SPECC1: variants seen among roughly 807,000 people sequenced by gnomAD.
SPECC1 encodes cytospin-B.
Under a neutral mutation model 104.1 loss-of-function variants are expected in SPECC1, and 62 were observed. The ratio of observed to expected loss-of-function variants is 0.60; its 90% CI spans 0.49 to 0.74. SPECC1 has a LOEUF of 0.74. Ranked by LOEUF, SPECC1 falls within the 30% of genes least tolerant of loss-of-function variation. The pLI is 0.00. For missense variants in SPECC1, 1,306 were observed against 1,310.5 expected, an observed-to-expected ratio of 1.00 and a Z score of 0.05; for synonymous variants, 513 against 501.6, an observed-to-expected ratio of 1.02 and a Z score of -0.30.
At chr17:20,214,787 C>T (rs982986054) in intron 4 of SPECC1, among the ~76,000 whole-genome samples, 3 of 152,142 alleles carry the variant, frequency 2.0e-5, no homozygotes, top group South Asian at 2.1e-4. Context: ...GGATTACAGG[C>T]GTGAGCCACT....
intron 7 of SPECC1, 139 bp downstream of exon 7, chr17:20,232,544 CT>C: frequency 1.1e-6 from 1 of 932,776 alleles, no homozygotes; most frequent in Non-Finnish European, 1.6e-6. Context: ...CTAGCACCAC[CT>C]TACCACTAGG....
intron 13 of SPECC1, among the ~76,000 whole-genome samples, chr17:20,303,727 C>T (rs2041666814): frequency 3.3e-5 from 5 of 152,060 alleles, no homozygotes; most frequent in South Asian, 2.1e-4. Flanking sequence ...CTTTGACAGG[C>T]GGATCACCTG....
chr17:20,208,701 C>T (rs2036943364), intron 4 of SPECC1, among the ~76,000 whole-genome samples: 1 of 152,148 alleles, frequency 6.6e-6, no homozygotes, highest in African/African-American at 2.4e-5. Flanking sequence ...TATCTAATTC[C>T]AAGGGAAGCA....
At chr17:20,212,754 A>G (rs2151388751) in intron 4 of SPECC1, among the ~76,000 whole-genome samples, 1 of 152,320 alleles carries the variant, frequency 6.6e-6, no homozygotes, top group Admixed American at 6.5e-5. Flanking sequence ...AATTCCTTCC[A>G]TCTATTAGGT....
At chr17:20,032,927 C>T (rs925626324) in intron 1 of SPECC1, among the ~76,000 whole-genome samples, 9 of 147,350 alleles carry the variant, frequency 6.1e-5, no homozygotes, top group African/African-American at 2.4e-4. Flanking sequence ...TGTATATACA[C>T]ACACGCGCGC....
At chr17:20,138,989 G>C (rs533736327) in intron 3 of SPECC1, among the ~76,000 whole-genome samples, 1 of 152,276 alleles carries the variant, frequency 6.6e-6, no homozygotes, top group East Asian at 1.9e-4. Context: ...AGAATATTCT[G>C]GTTAGCTGCA....
At chr17:20,232,552 T>A in intron 7 of SPECC1, 147 bp downstream of exon 7, 1 of 878,206 alleles carries the variant, frequency 1.1e-6, no homozygotes, top group Non-Finnish European at 1.7e-6. Flanking sequence ...ACCTTACCAC[T>A]AGGAACATTC....
chr17:20,213,955 A>G lies in SPECC1; in HGVS notation c.1863+8043A>G, dbSNP rs561761349. Among the ~76,000 whole-genome samples, 3 of 152,228 alleles carry G rather than the reference A, an allele frequency of 2.0e-5. No individual in the cohort carries two copies. The East Asian group carries it at 5.8e-4, about 29-fold the overall frequency. ...TAAGTCTGTGGGTTTTAGTGTATTC[A>G]CACAATTGTGCAACCATCACTACAA... is the stretch of plus-strand genomic sequence containing the variant. On this transcript the variant is annotated intron_variant, in intron 4 of 14. Transcript: ENST00000395527.
chr17:20,061,985 C>A (rs2046199895), intron 1 of SPECC1, among the ~76,000 whole-genome samples: 1 of 152,052 alleles, frequency 6.6e-6, no homozygotes, highest in Admixed American at 6.6e-5. Flanking sequence ...TGTGGCCGGG[C>A]ACGGTGGCTC....
chr17:20,238,671 T>G, intron 7 of SPECC1: 3 of 1,039,734 alleles, frequency 2.9e-6, no homozygotes, highest in Non-Finnish European at 3.5e-6. Flanking sequence ...GGACTGAAAT[T>G]TATATTTTGG....
intron 3 of SPECC1, among the ~76,000 whole-genome samples, chr17:20,161,546 A>G (rs1408359588): frequency 2.6e-5 from 4 of 152,210 alleles, no homozygotes; most frequent in South Asian, 4.1e-4. Context: ...ACCAGGTAGT[A>G]TGTTTAGATT....
chr17:20,318,575 C>CT lies in SPECC1; in HGVS notation c.*4512dup, dbSNP rs2042067882. The CT allele has an allele frequency of 4.4e-6, 1 of 229,524 alleles. No individual in the cohort carries two copies. The highest frequency in any genetic ancestry group is 2.2e-5 in the African/African-American group (1 of 45,208). 14.2% of individuals were successfully genotyped at this position (229,524 alleles called of 1,614,324 possible). The stretch of plus-strand genomic sequence containing the variant: ...CCTCCTCTTCCCCACTGAGGGGCAG[C>CT]TTGTGGAGATGGAGGACTCGGGCCC... On this transcript the variant is annotated 3_prime_UTR_variant, in exon 15 of 15. Coordinates refer to ENST00000395527, the MANE Select transcript of SPECC1 (RefSeq NM_001243439.2).
chr17:20,158,294 T>C (rs1200661955), intron 3 of SPECC1, among the ~76,000 whole-genome samples: 5 of 152,128 alleles, frequency 3.3e-5, no homozygotes, highest in Admixed American at 6.5e-5. Flanking sequence ...AGCCTGAGTG[T>C]CGCATGGTTC....
At chr17:20,022,236 C>T (rs1051883284) in intron 1 of SPECC1, among the ~76,000 whole-genome samples, 4 of 152,226 alleles carry the variant, frequency 2.6e-5, no homozygotes, top group South Asian at 2.1e-4. Context: ...CCACTGTGCC[C>T]GGCAGCAGTT....
At chr17:20,172,922 C>T (rs1268448187) in intron 3 of SPECC1, among the ~76,000 whole-genome samples, 1 of 152,150 alleles carries the variant, frequency 6.6e-6, no homozygotes, top group Non-Finnish European at 1.5e-5. Flanking sequence ...TTAGACAAAA[C>T]TTTGGATTCA....
chr17:20,111,993 G>C, intron 3 of SPECC1: 1 of 785,852 alleles, frequency 1.3e-6, no homozygotes, highest in Non-Finnish European at 2.3e-6. Context: ...GCTTTGATCA[G>C]GGATGATGAT....
intron 3 of SPECC1, among the ~76,000 whole-genome samples, chr17:20,124,055 G>A (rs976065139): frequency 1.4e-4 from 22 of 152,256 alleles, no homozygotes; most frequent in South Asian, 1.2e-3. Context: ...AAGTTTTGGA[G>A]TTGAGAGGCC....
intron 12 of SPECC1, among the ~76,000 whole-genome samples, chr17:20,272,567 C>T (rs1319666879): frequency 6.6e-6 from 1 of 152,208 alleles, no homozygotes; most frequent in Non-Finnish European, 1.5e-5. Context: ...CTGGCAGCAG[C>T]CATTCTACTT....
chr17:20,203,754 C>T (rs1470564601), intron 3 of SPECC1, among the ~76,000 whole-genome samples: 2 of 152,162 alleles, frequency 1.3e-5, no homozygotes, highest in African/African-American at 2.4e-5. Flanking sequence ...ATTATCAGTG[C>T]AGATGTACTA....
Sources: gnomAD v4.1 joint callset for allele counts (sites outside exome capture counted in the v4.1 genomes callset) on GRCh38, gnomAD v4.1.1 for gene constraint, MANE v1.5 for transcripts, NCBI Gene and HGNC (gene_info 2026-07-23, HGNC 2026-07-21) for gene names.